Variants in KANSL1 observed in about 807,000 individuals in gnomAD.
KANSL1 encodes the protein MLL1/MLL complex subunit KANSL1.
KANSL1 carries 22 observed loss-of-function variants against 103.6 expected under a neutral mutation model. The ratio of observed to expected loss-of-function variants is 0.21; its 90% CI spans 0.15 to 0.30. The LOEUF is 0.30. KANSL1 is among the 10% of genes least tolerant of loss of function. The pLI is 1.00. For synonymous variants in KANSL1, 600 were observed against 527.6 expected (o/e 1.14, Z -1.88); for missense variants, 1,337 against 1,399.8 (o/e 0.96, Z 0.72).
rs1289935394 is a variant in KANSL1, at chr17:46,031,492, C to T, written c.3302G>A (p.Arg1101His). The T allele has an allele frequency of 5.6e-6, 9 of 1,611,440 alleles. No individual in the cohort carries two copies. Among genetic ancestry groups the T allele is most frequent in the South Asian group, 1.1e-5 (1 of 90,610 alleles). Reference protein sequence around the residue: ...RHLVAAATAQRPTHR With the variant: ...RHLVAAATAQHPTHR ...GTCTCCCGCTCATCTGTGAGTCGGG[C>T]GCTGAGCTGTGGCTGCTGCCACCAG... is the stretch of plus-strand genomic sequence containing the variant. The change falls in exon 15 of 15, where the codon CGC becomes CAC. Residue 1101 changes from arginine (R) to histidine (H), a missense_variant. By Grantham distance (29) the Arg-to-His change is conservative (BLOSUM62 0). Coordinates refer to ENST00000432791, the MANE Select transcript of KANSL1 (RefSeq NM_015443.4).
chr17:46,034,445 T>C (rs1377536714), intron 10 of KANSL1, 160 bp from the exon 11 acceptor site: 4 of 670,950 alleles, frequency 6.0e-6, no homozygotes, highest in Non-Finnish European at 9.9e-6. Flanking sequence ...GGAGTCAGTC[T>C]CCAACAGCAA....
upstream of KANSL1, among the ~76,000 whole-genome samples, chr17:46,198,461 G>A (rs1031190999): frequency 6.8e-6 from 1 of 147,026 alleles, no homozygotes; most frequent in Admixed American, 6.8e-5. Flanking sequence ...CCTGGATGTG[G>A]TGACTCACAC....
chr17:46,058,955 G>A (rs963247796), intron 6 of KANSL1, among the ~76,000 whole-genome samples: 1 of 151,728 alleles, frequency 6.6e-6, no homozygotes, highest in Non-Finnish European at 1.5e-5. Context: ...GCTGAGGCAG[G>A]AGAATCGCTT....
At chr17:46,117,267 C>T (rs2043085572) in intron 2 of KANSL1, among the ~76,000 whole-genome samples, 1 of 152,228 alleles carries the variant, frequency 6.6e-6, no homozygotes. Context: ...GCCATGTGCA[C>T]ACAGTACTTG....
chr17:46,176,625 A>C (rs1300443310), intron 1 of KANSL1, among the ~76,000 whole-genome samples: 4 of 151,884 alleles, frequency 2.6e-5, no homozygotes, highest in Non-Finnish European at 4.4e-5. Context: ...CAGGCAGCAG[A>C]GGTTGCAATT....
At chr17:46,163,131 T>C (rs76222986) in intron 2 of KANSL1, among the ~76,000 whole-genome samples, 17,203 of 150,230 alleles carry the variant, frequency 0.11, no homozygotes, top group Non-Finnish European at 0.17. Context: ...ATCTATGTAA[T>C]TACCCGCTTA....
intron 4 of KANSL1, among the ~76,000 whole-genome samples, chr17:46,081,668 T>C (rs1224189550): frequency 6.6e-6 from 1 of 152,204 alleles, no homozygotes; most frequent in Non-Finnish European, 1.5e-5. Context: ...AAAAGAACTA[T>C]AAGGTTGGTT....
chr17:46,103,984 C>T (rs1340468195), intron 2 of KANSL1, among the ~76,000 whole-genome samples: 2 of 152,130 alleles, frequency 1.3e-5, no homozygotes, highest in Non-Finnish European at 1.5e-5. Context: ...GCCAAGATCA[C>T]GCCACTGCAC....
intron 1 of KANSL1, among the ~76,000 whole-genome samples, chr17:46,208,616 CA>C (rs149187563): frequency 0.037 from 2,972 of 81,034 alleles, 55 homozygotes; most frequent in African/African-American, 0.12. Flanking sequence ...GACCCTGTCT[CA>C]AAAAAAAAAA....
intron 2 of KANSL1, among the ~76,000 whole-genome samples, chr17:46,119,111 T>C (rs1411691607): frequency 6.6e-6 from 1 of 152,250 alleles, no homozygotes; most frequent in Non-Finnish European, 1.5e-5. Context: ...ATGCTTCCTT[T>C]GTTCCGGGCA....
chr17:46,150,527 T>TA (rs925178322), intron 2 of KANSL1, among the ~76,000 whole-genome samples: 12 of 152,306 alleles, frequency 7.9e-5, no homozygotes, highest in African/African-American at 2.4e-4. Context: ...AATCAAGAGA[T>TA]AAAAAAACAG....
rs34473927 is a variant in KANSL1 at position 46,052,964 on chromosome 17, C to CAA, written c.1849-2262_1849-2261dup. ...GGGAAAAAGAGTAAGATCCTGTCTC[C>CAA]AAAAAAAAAAAAAAAAAAAAAAAAA... On this transcript the variant is annotated intron_variant, in intron 6 of 14. Transcript: ENST00000432791. 6.1e-4 allele frequency among the ~76,000 whole-genome samples: 20 copies of CAA among 32,998 alleles called. 2 individuals are homozygous for CAA. The highest frequency in any genetic ancestry group is 5.8e-4 in the Non-Finnish European group (10 of 17,130). 21.6% of individuals were successfully genotyped at this position (32,998 alleles called of 152,430 possible). A position where few individuals can be genotyped will look rare whatever the true frequency, so the allele number is the denominator to read the frequency against.
At chr17:46,175,217 T>C (rs1248623951) in intron 1 of KANSL1, among the ~76,000 whole-genome samples, 1 of 152,120 alleles carries the variant, frequency 6.6e-6, no homozygotes, top group African/African-American at 2.4e-5. Flanking sequence ...TATGACAATT[T>C]GAATCATTAA....
rs2042446019 is a variant in KANSL1 at position 46,104,450 on chromosome 17, T to C, written c.1290-9749A>G. Among the ~76,000 whole-genome samples, 2 of 152,252 alleles carry C rather than the reference T, an allele frequency of 1.3e-5. 1 individual carries two copies. Among genetic ancestry groups the C allele is most frequent in the South Asian group, 4.1e-4 (2 of 4,836 alleles). ...GGATCCTCTTATTTTGTTATTTGTA[T>C]GTGCTATTATTTCCAAGTCATGTCA... is the stretch of plus-strand genomic sequence containing the variant. On this transcript the variant is annotated intron_variant, in intron 2 of 14. Coordinates refer to ENST00000432791, the MANE Select transcript of KANSL1 (RefSeq NM_015443.4).
chr17:46,133,421 T>G (rs942721649), intron 2 of KANSL1, among the ~76,000 whole-genome samples: 8 of 152,056 alleles, frequency 5.3e-5, no homozygotes, highest in Non-Finnish European at 1.0e-4. Context: ...GATTCTTCAC[T>G]CCAACTAGAA....
upstream of KANSL1, among the ~76,000 whole-genome samples, chr17:46,195,842 T>G (rs2047589042): frequency 6.6e-6 from 1 of 152,214 alleles, no homozygotes; most frequent in African/African-American, 2.4e-5. Flanking sequence ...AAAAATCTTA[T>G]GAAGAGAAAC....
intron 3 of KANSL1, among the ~76,000 whole-genome samples, chr17:46,091,990 T>A (rs1410427959): frequency 6.6e-6 from 1 of 152,142 alleles, no homozygotes; most frequent in Non-Finnish European, 1.5e-5. Context: ...CTAATTTTTT[T>A]GTATTTTTCA....
At chr17:46,042,846 A>AC (rs534919042) in intron 7 of KANSL1, 27 of 152,080 alleles carry the variant, frequency 1.8e-4, no homozygotes, top group Non-Finnish European at 2.9e-4. Context: ...GTGGGTAAGC[A>AC]CCCTCAGCTC....
chr17:46,099,906 A>G (rs2042237117), intron 2 of KANSL1, among the ~76,000 whole-genome samples: 1 of 151,970 alleles, frequency 6.6e-6, no homozygotes, highest in South Asian at 2.1e-4. Context: ...TACATGATGA[A>G]TTACTTTTTG....
Sources: gnomAD v4.1 joint callset for allele counts (sites outside exome capture counted in the v4.1 genomes callset) on GRCh38, gnomAD v4.1.1 for gene constraint, MANE v1.5 for transcripts, NCBI Gene and HGNC (gene_info 2026-07-23, HGNC 2026-07-21) for gene names.